CACNA1E: variants seen among roughly 807,000 people sequenced by gnomAD.
CACNA1E encodes voltage-dependent R-type calcium channel subunit alpha-1E.
A neutral mutation model predicts 259.2 loss-of-function variants in CACNA1E; 40 were observed. The ratio of observed to expected loss-of-function variants is 0.15; its 90% CI spans 0.12 to 0.20. The LOEUF is 0.20. Ranked by LOEUF, CACNA1E falls within the 10% of genes least tolerant of loss-of-function variation. The pLI, the probability that CACNA1E is intolerant of heterozygous loss-of-function variation, is 1.00. For synonymous variants in CACNA1E, 1,104 were observed against 1,138.5 expected (o/e 0.97, Z 0.61); for missense variants, 1,874 against 3,040.1 (o/e 0.62, Z 9.02).
chr1:181,716,173 C>A, intron 10 of CACNA1E, 44 bp downstream of exon 10: 1 of 1,243,256 alleles, frequency 8.0e-7, no homozygotes, highest in Non-Finnish European at 1.2e-6. Context: ...GAATCTCCCA[C>A]GAAAAGGAAG....
chr1:181,790,273 TTC>T (rs575414809), intron 43 of CACNA1E, among the ~76,000 whole-genome samples, 170 bp from the exon 44 acceptor site: 2 of 150,904 alleles, frequency 1.3e-5, no homozygotes, highest in South Asian at 4.3e-4. Flanking sequence ...AAACATCAGT[TTC>T]TGTCTCTTCT....
intron 3 of CACNA1E, among the ~76,000 whole-genome samples, chr1:181,541,190 C>T (rs1056462005): frequency 2.0e-5 from 3 of 152,018 alleles, no homozygotes; most frequent in Non-Finnish European, 4.4e-5. Flanking sequence ...TTTTTTCCTC[C>T]ACTACGCGGG....
chr1:181,417,813 C>T lies in CACNA1E; in HGVS notation c.434+4233C>T, dbSNP rs139934816. On this transcript the variant is annotated intron_variant, in intron 2 of 11. Transcript: ENST00000524607. ...TAGCAGCAATCAGGAGAGGCATGTA[C>T]AGGCTCCATCCACTGCACTGACCGC... Among the ~76,000 whole-genome samples the T allele has an allele frequency of 4.7e-4, 71 of 152,308 alleles. 2 individuals carry two copies. In the East Asian group the frequency reaches 0.013, roughly 29 times the overall value.
At chr1:181,490,569 G>T (rs1664227966) in intron 1 of CACNA1E, among the ~76,000 whole-genome samples, 2 of 147,996 alleles carry the variant, frequency 1.4e-5, no homozygotes, top group Admixed American at 6.9e-5. Context: ...TTTGCCTGTG[G>T]GTGGTTGATT....
chr1:181,484,021 T>C lies in CACNA1E; in HGVS notation c.266+11T>C, dbSNP rs1663550766. 2 of 1,611,522 alleles carry C rather than the reference T, an allele frequency of 1.2e-6. No individual in the cohort carries two copies. Among genetic ancestry groups the C allele is most frequent in the Admixed American group, 1.7e-5 (1 of 59,928 alleles). ...GCTCATCGATTGGCCATATCCTTTC[T>C]TGCCCACCATAACTCCCTCTCCCCC... is the stretch of plus-strand genomic sequence containing the variant. On this transcript the variant is annotated intron_variant, in intron 1 of 47. Transcript: ENST00000367573.
intron 1 of CACNA1E, among the ~76,000 whole-genome samples, chr1:181,390,030 T>C (rs2102032244): frequency 6.6e-6 from 1 of 152,308 alleles, no homozygotes; most frequent in African/African-American, 2.4e-5. Context: ...GTGAGAAGCT[T>C]GTTTTCCTTT....
chr1:181,751,250 TTC>T, intron 26 of CACNA1E, among the ~76,000 whole-genome samples: 1 of 136,086 alleles, frequency 7.3e-6, no homozygotes, highest in South Asian at 2.5e-4. Flanking sequence ...AATGTATTTG[TTC>T]ATTTTATTCC....
chr1:181,577,546 G>A (rs1385829087), intron 3 of CACNA1E, among the ~76,000 whole-genome samples: 1 of 152,180 alleles, frequency 6.6e-6, no homozygotes, highest in Non-Finnish European at 1.5e-5. Context: ...GTTCTGGTAT[G>A]ATGATAAGTT....
chr1:181,726,772 G>C (rs1654945068), intron 18 of CACNA1E, among the ~76,000 whole-genome samples: 1 of 152,220 alleles, frequency 6.6e-6, no homozygotes, highest in Non-Finnish European at 1.5e-5. Flanking sequence ...AGGGGCCAGA[G>C]TGGAGGCAGG....
intron 3 of CACNA1E, among the ~76,000 whole-genome samples, chr1:181,540,262 C>T (rs1043970008): frequency 3.9e-5 from 6 of 152,130 alleles, no homozygotes; most frequent in African/African-American, 1.2e-4. Flanking sequence ...GCCCTGTATC[C>T]TCATCTCCCA....
intron 33 of CACNA1E, 76 bp downstream of exon 33, chr1:181,762,733 TC>T: frequency 1.2e-6 from 1 of 851,300 alleles, no homozygotes; most frequent in Non-Finnish European, 1.9e-6. Context: ...GTATATTCAG[TC>T]CATTTTTAAC....
rs1397321654 is a variant in CACNA1E, at chr1:181,784,766, A to G, written c.5576A>G (p.Lys1859Arg). ...KMLDLLVPMP[K>R]ASDLTVGKIY... is the part of the protein sequence containing the mutation. ...CTGGATCTGCTTGTGCCCATGCCCA[A>G]AGGTTTGGGTCTTCTCCTGGGTATC... The change falls in exon 41 of 48, where the codon AAA becomes AGA. Residue 1859 changes from lysine (K) to arginine (R), a missense_variant and splice_region_variant. Coordinates refer to ENST00000367573, the MANE Select transcript of CACNA1E (RefSeq NM_001205293.3). 3 of 1,555,316 alleles carry G rather than the reference A, an allele frequency of 1.9e-6. No homozygotes were observed. The highest frequency in any genetic ancestry group is 2.6e-6 in the Non-Finnish European group (3 of 1,144,958).
At chr1:181,552,219 GC>G (rs1558118647) in intron 3 of CACNA1E, among the ~76,000 whole-genome samples, 1 of 152,134 alleles carries the variant, frequency 6.6e-6, no homozygotes, top group Non-Finnish European at 1.5e-5. Flanking sequence ...TGATTTTGTA[GC>G]CCCCTCCTCA....
At chr1:181,592,379 A>T (rs1484258650) in intron 6 of CACNA1E, among the ~76,000 whole-genome samples, 1 of 151,044 alleles carries the variant, frequency 6.6e-6, no homozygotes, top group Non-Finnish European at 1.5e-5. Context: ...GGCTGTCGGG[A>T]GATGCAGCAC....
At chr1:181,692,962 C>T (rs1183854663) in intron 7 of CACNA1E, among the ~76,000 whole-genome samples, 2 of 151,832 alleles carry the variant, frequency 1.3e-5, no homozygotes, top group East Asian at 3.9e-4. Context: ...AAAAAACAAA[C>T]AACCCCATTA....
At chr1:181,518,307 C>T (rs1029872805) in intron 3 of CACNA1E, among the ~76,000 whole-genome samples, 2 of 152,148 alleles carry the variant, frequency 1.3e-5, no homozygotes, top group Non-Finnish European at 2.9e-5. Flanking sequence ...TTCAGTTCTT[C>T]CTCTCAGCAT....
chr1:181,739,332 A>G, intron 25 of CACNA1E, 79 bp downstream of exon 25: 1 of 969,992 alleles, frequency 1.0e-6, no homozygotes, highest in Non-Finnish European at 1.7e-6. Context: ...CCCTTTCCAG[A>G]AATGCAACAT....
At chr1:181,750,602 T>C in intron 26 of CACNA1E, 115 bp downstream of exon 26, 3 of 935,460 alleles carry the variant, frequency 3.2e-6, no homozygotes, top group Non-Finnish European at 5.0e-6. Context: ...GGTCAGTTTT[T>C]ATTTATATCC....
At chr1:181,405,613 A>T (rs536571790) in intron 1 of CACNA1E, among the ~76,000 whole-genome samples, 3 of 152,258 alleles carry the variant, frequency 2.0e-5, no homozygotes, top group South Asian at 4.2e-4. Context: ...AAACTGCAAA[A>T]TATCTTCTTT....
Sources: gnomAD v4.1 joint callset for allele counts (sites outside exome capture counted in the v4.1 genomes callset) on GRCh38, gnomAD v4.1.1 for gene constraint, MANE v1.5 for transcripts, NCBI Gene and HGNC (gene_info 2026-07-23, HGNC 2026-07-21) for gene names.